Variants in FMNL2 observed in about 807,000 individuals in gnomAD.
FMNL2 encodes formin-like protein 2.
A neutral mutation model predicts 130.2 loss-of-function variants in FMNL2; 51 were observed. The ratio of observed to expected loss-of-function variants is 0.39; its 90% CI spans 0.31 to 0.49. FMNL2 has a LOEUF of 0.49. Ranked by LOEUF, FMNL2 falls within the 20% of genes least tolerant of loss-of-function variation. The pLI is 0.85. For missense variants in FMNL2, 977 were observed against 1,316.2 expected (o/e 0.74, Z 3.99); for synonymous variants, 465 against 467.1 (o/e 1.00, Z 0.06).
At chr2:152,430,951 A>T (rs1184583287) in intron 1 of FMNL2, among the ~76,000 whole-genome samples, 1 of 150,744 alleles carries the variant, frequency 6.6e-6, no homozygotes, top group East Asian at 2.0e-4. Context: ...ATTTTTGCTG[A>T]TTGATGTTTA....
In FMNL2 at chr2:152,474,546, C is replaced by T. The variant is rs181644115; in HGVS notation, c.118-47397C>T. Among the ~76,000 whole-genome samples the T allele has an allele frequency of 8.9e-3, 1,350 of 151,910 alleles. 26 individuals carry two copies. The highest frequency in any genetic ancestry group is 0.031 in the African/African-American group (1,270 of 41,460). ...CTAAAAATACAAAAAATTAGCCAGG[C>T]GTGGTGGCGCACGCCTGTAGTCCCA... On this transcript the variant is annotated intron_variant, in intron 1 of 25. Transcript: ENST00000288670.
At chr2:152,378,112 GAAA>G (rs373312727) in intron 1 of FMNL2, among the ~76,000 whole-genome samples, 24 of 120,082 alleles carry the variant, frequency 2.0e-4, no homozygotes, top group African/African-American at 7.1e-4. Flanking sequence ...ACCCTGTCTT[GAAA>G]AAAAAAAAAA....
At chr2:152,381,248 T>C (rs1684442569) in intron 1 of FMNL2, among the ~76,000 whole-genome samples, 1 of 152,222 alleles carries the variant, frequency 6.6e-6, no homozygotes, top group Non-Finnish European at 1.5e-5. Context: ...ATGGATAGCC[T>C]GAGAGGTCGA....
rs114085907 is a variant in FMNL2, at chr2:152,409,392, C to G, written c.117+73672C>G. ...GAGAAAGGTAATAAAATCATGGTCT[C>G]TGCTGTGGGTAAAACTAGTTTGAGA... On this transcript the variant is annotated intron_variant, in intron 1 of 25. Coordinates refer to ENST00000288670, the MANE Select transcript of FMNL2 (RefSeq NM_052905.4). Among the ~76,000 whole-genome samples, 479 of 152,260 alleles carry G rather than the reference C, an allele frequency of 3.1e-3. 3 individuals are homozygous for G. The highest frequency in any genetic ancestry group is 0.011 in the African/African-American group (463 of 41,548).
intron 9 of FMNL2, among the ~76,000 whole-genome samples, chr2:152,596,282 G>A (rs1322420900): frequency 1.3e-5 from 2 of 152,004 alleles, no homozygotes; most frequent in East Asian, 3.9e-4. Flanking sequence ...TTCTACCTTG[G>A]AAAATGGTGG....
chr2:152,567,137 T>C (rs1238314256), intron 6 of FMNL2, among the ~76,000 whole-genome samples: 4 of 152,178 alleles, frequency 2.6e-5, no homozygotes, highest in Non-Finnish European at 5.9e-5. Flanking sequence ...AGGAGTGAGA[T>C]GGTTTCCTTG....
chr2:152,360,168 G>T (rs62179557), intron 1 of FMNL2, among the ~76,000 whole-genome samples: 1 of 152,166 alleles, frequency 6.6e-6, no homozygotes, highest in Admixed American at 6.5e-5. Context: ...GCCACAAACC[G>T]CATCTTTGCT....
At chr2:152,493,440 C>T (rs1390689456) in intron 1 of FMNL2, among the ~76,000 whole-genome samples, 1 of 152,086 alleles carries the variant, frequency 6.6e-6, no homozygotes, top group South Asian at 2.1e-4. Flanking sequence ...TTAATATGAG[C>T]GGTGTTGTAG....
chr2:152,607,470 T>TACAC (rs3080598), intron 10 of FMNL2, 57 bp downstream of exon 10: 8,054 of 617,558 alleles, frequency 0.013, 56 homozygotes, highest in South Asian at 0.05. Context: ...TTTTTCTAAA[T>TACAC]ACACACACAC....
chr2:152,373,844 C>T (rs542230837), intron 1 of FMNL2, among the ~76,000 whole-genome samples: 25 of 151,590 alleles, frequency 1.6e-4, no homozygotes, highest in African/African-American at 5.6e-4. Context: ...AAGAGTTCAA[C>T]TCGATTCATG....
intron 25 of FMNL2, chr2:152,645,665 A>G (rs1683487965): frequency 4.7e-6 from 2 of 424,238 alleles, no homozygotes; most frequent in East Asian, 7.3e-5. Flanking sequence ...GCAGGGATTG[A>G]GCCTCTCTGT....
chr2:152,449,933 A>C (rs1050081529), intron 1 of FMNL2, among the ~76,000 whole-genome samples: 1 of 152,262 alleles, frequency 6.6e-6, no homozygotes, highest in African/African-American at 2.4e-5. Flanking sequence ...ACCTTTCCTC[A>C]TTCAAACAGA....
intron 1 of FMNL2, among the ~76,000 whole-genome samples, chr2:152,451,247 C>G (rs747245898): frequency 1.2e-4 from 19 of 152,112 alleles, no homozygotes; most frequent in Admixed American, 5.2e-4. Flanking sequence ...CTCCCAGGTT[C>G]AAGCGATTCT....
chr2:152,585,711 A>G (rs1489283750), intron 9 of FMNL2, among the ~76,000 whole-genome samples: 1 of 152,174 alleles, frequency 6.6e-6, no homozygotes, highest in African/African-American at 2.4e-5. Context: ...GCTGGCTCAT[A>G]AAACTCTTAT....
At chr2:152,507,966 T>A (rs1692265823) in intron 1 of FMNL2, among the ~76,000 whole-genome samples, 1 of 152,186 alleles carries the variant, frequency 6.6e-6, no homozygotes, top group African/African-American at 2.4e-5. Flanking sequence ...TCAGAGTCAT[T>A]AAAGAAAGAT....
Position 152,381,587 on chromosome 2 carries a change from C to T in FMNL2, c.117+45867C>T, listed in dbSNP as rs111503789. On this transcript the variant is annotated intron_variant, in intron 1 of 25. Coordinates refer to ENST00000288670, the MANE Select transcript of FMNL2 (RefSeq NM_052905.4). ...GCTCTGTGTGGGGTCATGAGAGTCA[C>T]AGTCTTTATTCTGAATTCTGAAATG... Among the ~76,000 whole-genome samples the T allele has an allele frequency of 7.9e-5, 12 of 152,296 alleles. 1 individual carries two copies. The highest frequency in any genetic ancestry group is 2.6e-4 in the African/African-American group (11 of 41,562).
In FMNL2 at chr2:152,447,423, G is replaced by A. The variant is rs538192261; in HGVS notation, c.118-74520G>A. Among the ~76,000 whole-genome samples the A allele has an allele frequency of 3.9e-5, 6 of 152,230 alleles. No individual in the cohort carries two copies. In the South Asian group the frequency reaches 1.2e-3, roughly 32 times the overall value. On this transcript the variant is annotated intron_variant, in intron 1 of 25. Transcript: ENST00000288670. ...CAGCCATCAACTTATTTTTGATTTAGAAAATAATCTCAGATTTTCTTCAGC... is the reference window on the plus strand; with the variant it reads ...CAGCCATCAACTTATTTTTGATTTAAAAAATAATCTCAGATTTTCTTCAGC...
chr2:152,352,963 T>A (rs1207259934), intron 1 of FMNL2, among the ~76,000 whole-genome samples: 1 of 152,090 alleles, frequency 6.6e-6, no homozygotes, highest in African/African-American at 2.4e-5. Context: ...TGCTTATTTT[T>A]AAAAAAACAA....
At chr2:152,615,696 A>G (rs1402143811) in intron 12 of FMNL2, among the ~76,000 whole-genome samples, 2 of 152,340 alleles carry the variant, frequency 1.3e-5, no homozygotes, top group Non-Finnish European at 2.9e-5. Flanking sequence ...TTAACAGAAA[A>G]ATGGTGCTTC....
Sources: gnomAD v4.1 joint callset for allele counts (sites outside exome capture counted in the v4.1 genomes callset) on GRCh38, gnomAD v4.1.1 for gene constraint, MANE v1.5 for transcripts, NCBI Gene and HGNC (gene_info 2026-07-23, HGNC 2026-07-21) for gene names.